Variants in CREB5 observed in about 807,000 individuals in gnomAD.
CREB5 encodes cAMP responsive element binding protein 5.
Under a neutral mutation model 57.1 loss-of-function variants are expected in CREB5, and 19 were observed. That is an observed-to-expected ratio of 0.33 (90% CI 0.23 to 0.49). CREB5 has a LOEUF of 0.49. Ranked by LOEUF, CREB5 falls within the 20% of genes least tolerant of loss-of-function variation. CREB5 has a pLI of 0.99. For missense variants in CREB5, 579 were observed against 671.6 expected (o/e 0.86, Z 1.52); for synonymous variants, 238 against 238.3 (o/e 1.00, Z 0.01).
chr7:28,424,596 C>T (rs932449975), intron 1 of CREB5, among the ~76,000 whole-genome samples: 1 of 152,190 alleles, frequency 6.6e-6, no homozygotes, highest in Non-Finnish European at 1.5e-5. Context: ...GTAGGCATTA[C>T]CCTTGGTTTG....
intron 7 of CREB5, among the ~76,000 whole-genome samples, chr7:28,743,984 A>G (rs926324210): frequency 6.0e-5 from 7 of 115,874 alleles, no homozygotes; most frequent in African/African-American, 1.3e-4. Flanking sequence ...ATATCTCCCA[A>G]TGCTATCCCT....
chr7:28,656,125 C>A (rs927862687), intron 5 of CREB5, among the ~76,000 whole-genome samples: 2 of 152,174 alleles, frequency 1.3e-5, no homozygotes, highest in Non-Finnish European at 2.9e-5. Flanking sequence ...CCCAGCTTTA[C>A]CCCTATGTGG....
intron 1 of CREB5, among the ~76,000 whole-genome samples, chr7:28,316,557 C>T (rs1301567978): frequency 2.0e-5 from 3 of 151,942 alleles, no homozygotes; most frequent in Admixed American, 1.3e-4. Flanking sequence ...ACCGCCAGAT[C>T]CTGGCAGTGT....
intron 1 of CREB5, among the ~76,000 whole-genome samples, chr7:28,449,106 T>C (rs759933308): frequency 1.8e-4 from 28 of 152,234 alleles, no homozygotes; most frequent in Non-Finnish European, 3.8e-4. Context: ...CCATGTAATA[T>C]GTGTGCATGG....
chr7:28,551,843 TTTTC>T (rs1360139192), intron 4 of CREB5, among the ~76,000 whole-genome samples: 33 of 146,894 alleles, frequency 2.2e-4, no homozygotes, highest in Non-Finnish European at 2.8e-4. Flanking sequence ...CTTTCTTTCT[TTTTC>T]TTTCTTTCTT....
chr7:28,430,365 T>C (rs1583452926), intron 1 of CREB5, among the ~76,000 whole-genome samples: 2 of 152,114 alleles, frequency 1.3e-5, no homozygotes, highest in East Asian at 3.9e-4. Context: ...AGAGAGGAAG[T>C]CCTTGCTTTC....
intron 5 of CREB5, among the ~76,000 whole-genome samples, chr7:28,580,680 G>T (rs936239698): frequency 6.6e-6 from 1 of 151,470 alleles, no homozygotes; most frequent in Non-Finnish European, 1.5e-5. Flanking sequence ...CCTTATATTG[G>T]GGCCACTGCA....
In CREB5 at chr7:28,404,837, A is replaced by G. The variant is rs185838781; in HGVS notation, c.-24-90069A>G. The stretch of plus-strand genomic sequence containing the variant: ...TCCTGATTCTTGCATCCTCAAACCA[A>G]CTTGTGCTCAGGACTACCAAAGTAT... On this transcript the variant is annotated intron_variant, in intron 1 of 9. Transcript: ENST00000396299. 6.6e-4 allele frequency among the ~76,000 whole-genome samples: 101 copies of G among 152,210 alleles called. 1 individual carries two copies. The Middle Eastern group carries it at 0.01, about 15-fold the overall frequency.
At chr7:28,475,250 CTTTTTTTTTTTTTTTTTTTTTTTTTT>C (rs530903709) in intron 1 of CREB5, among the ~76,000 whole-genome samples, 2 of 59,588 alleles carry the variant, frequency 3.4e-5, no homozygotes, top group African/African-American at 7.4e-5. Flanking sequence ...TCAGAAGTTT[CTTTTTTTTTTTTTTTTTTTTTTTTTT>C]TTTTTTTTTT....
At chr7:28,703,015 A>G (rs1474361837) in intron 5 of CREB5, among the ~76,000 whole-genome samples, 1 of 152,214 alleles carries the variant, frequency 6.6e-6, no homozygotes, top group Non-Finnish European at 1.5e-5. Flanking sequence ...AGATAGTACT[A>G]CAGGCATCAA....
intron 1 of CREB5, among the ~76,000 whole-genome samples, chr7:28,318,857 A>T (rs1785432830): frequency 6.6e-6 from 1 of 152,240 alleles, no homozygotes; most frequent in Admixed American, 6.5e-5. Flanking sequence ...CTGTAGATTG[A>T]TAATATAACA....
chr7:28,587,327 C>G (rs559824883), intron 5 of CREB5, among the ~76,000 whole-genome samples: 19 of 152,180 alleles, frequency 1.2e-4, no homozygotes, highest in African/African-American at 4.6e-4. Flanking sequence ...TGAAATCCAC[C>G]GATGCAGGGA....
At chr7:28,391,314 C>G (rs1017204667) in intron 1 of CREB5, among the ~76,000 whole-genome samples, 1 of 152,188 alleles carries the variant, frequency 6.6e-6, no homozygotes, top group African/African-American at 2.4e-5. Context: ...AGCCAACACA[C>G]AGTGTGGCAC....
chr7:28,654,038 G>A (rs1308994990), intron 5 of CREB5, among the ~76,000 whole-genome samples: 1 of 151,168 alleles, frequency 6.6e-6, no homozygotes, highest in African/African-American at 2.5e-5. Flanking sequence ...TGCCTTTACT[G>A]CATTTTTTAA....
chr7:28,680,294 A>T (rs933850615), intron 5 of CREB5, among the ~76,000 whole-genome samples: 4 of 152,088 alleles, frequency 2.6e-5, no homozygotes, highest in South Asian at 4.1e-4. Flanking sequence ...TCTTTCTTGG[A>T]CATCATCAGT....
chr7:28,602,660 A>C (rs1388072983), intron 5 of CREB5, among the ~76,000 whole-genome samples: 1 of 152,208 alleles, frequency 6.6e-6, no homozygotes, highest in Non-Finnish European at 1.5e-5. Context: ...TTGAAATGAC[A>C]AGATTATAGA....
intron 2 of CREB5, among the ~76,000 whole-genome samples, chr7:28,493,419 A>G (rs926082175): frequency 4.6e-5 from 7 of 152,244 alleles, no homozygotes; most frequent in Non-Finnish European, 1.0e-4. Flanking sequence ...TAGAGCAACA[A>G]AGGCTTATTT....
intron 3 of CREB5, among the ~76,000 whole-genome samples, chr7:28,495,940 A>G (rs1266347293): frequency 6.6e-6 from 1 of 152,030 alleles, no homozygotes; most frequent in African/African-American, 2.4e-5. Flanking sequence ...ATTGTGATTT[A>G]TTCTAATTTT....
At chr7:28,793,091 C>A (rs1807823979) in intron 7 of CREB5, among the ~76,000 whole-genome samples, 1 of 152,122 alleles carries the variant, frequency 6.6e-6, no homozygotes. Context: ...CTCTCTCTCT[C>A]ACTTCCCCTA....
Sources: allele counts gnomAD v4.1 joint callset (sites outside exome capture counted in the v4.1 genomes callset), GRCh38; gene constraint gnomAD v4.1.1; transcripts MANE v1.5; gene names NCBI Gene and HGNC (gene_info 2026-07-23, HGNC 2026-07-21).